The following SNTB2 variants were observed in gnomAD, a reference collection of about 807,000 sequenced individuals.
SNTB2 encodes the protein beta-2-syntrophin.
SNTB2 carries 34 observed loss-of-function variants against 46.2 expected under a neutral mutation model. The ratio of observed to expected loss-of-function variants is 0.74; its 90% confidence interval spans 0.56 to 0.98. SNTB2 has a LOEUF of 0.98. SNTB2 is among the 50% of genes least tolerant of loss of function. The probability of loss-of-function intolerance (pLI) is 0.00; values close to 1 mark genes in which losing one functional copy is unlikely to be tolerated. For synonymous variants in SNTB2, 290 were observed against 312.6 expected, an observed-to-expected ratio of 0.93 and a Z score of 0.76; for missense variants, 603 against 731.4, an observed-to-expected ratio of 0.82 and a Z score of 2.02.
chr16:69,296,728 A>C (rs1031202461), intron 5 of SNTB2, among the ~76,000 whole-genome samples: 1 of 151,460 alleles, frequency 6.6e-6, no homozygotes, highest in African/African-American at 2.4e-5. Flanking sequence ...TCAAAAAAAA[A>C]AAAAAGAAAA....
rs577540363 is a variant in SNTB2, at chr16:69,260,393, A to G, written c.1005+133A>G. ...CTAGCTTGCAGATCTTTTGTTTTTC[A>G]GTGTTTTGTTTCACCTCCCTTTTTC... On this transcript the variant is annotated intron_variant, in intron 3 of 6. Coordinates refer to ENST00000336278, the MANE Select transcript of SNTB2 (RefSeq NM_006750.4). 262 of 828,174 alleles carry G rather than the reference A, an allele frequency of 3.2e-4. 3 individuals are homozygous for G. In the South Asian group the frequency reaches 4.3e-3, roughly 14 times the overall value. The allele number at this position is 828,174 out of a possible 1,614,324, so 51.3% of individuals were successfully genotyped here. A position where few individuals can be genotyped will look rare whatever the true frequency, so the allele number is the denominator to read the frequency against.
At chr16:69,265,204 G>A (rs988313642) in intron 3 of SNTB2, among the ~76,000 whole-genome samples, 6 of 152,114 alleles carry the variant, frequency 3.9e-5, no homozygotes, top group South Asian at 2.1e-4. Flanking sequence ...AGCCGAGATC[G>A]CGCCACTGCA....
At chr16:69,194,765 G>A (rs1964087300) in intron 1 of SNTB2, among the ~76,000 whole-genome samples, 1 of 152,162 alleles carries the variant, frequency 6.6e-6, no homozygotes, top group South Asian at 2.1e-4. Context: ...GAACCACATG[G>A]ACTGAAAGTG....
chr16:69,264,255 C>T (rs760185055), intron 3 of SNTB2, among the ~76,000 whole-genome samples: 1 of 152,146 alleles, frequency 6.6e-6, no homozygotes, highest in African/African-American at 2.4e-5. Context: ...CCAGCTAAGC[C>T]GAGGGCTCTC....
intron 5 of SNTB2, among the ~76,000 whole-genome samples, chr16:69,290,028 T>G (rs1965145626): frequency 6.6e-6 from 1 of 152,234 alleles, no homozygotes; most frequent in Non-Finnish European, 1.5e-5. Context: ...TTGGTTATAG[T>G]TTACCCATCT....
chr16:69,206,754 AT>A (rs1269639112), intron 1 of SNTB2, among the ~76,000 whole-genome samples: 8 of 151,034 alleles, frequency 5.3e-5, no homozygotes, highest in African/African-American at 1.9e-4. Context: ...AATTGGCTGC[AT>A]TTTTATTTTT....
intron 1 of SNTB2, among the ~76,000 whole-genome samples, chr16:69,213,291 G>C (rs1360572128): frequency 5.3e-5 from 8 of 152,016 alleles, no homozygotes; most frequent in Non-Finnish European, 1.0e-4. Context: ...TGTGTCCTCT[G>C]TTATATATTG....
intron 4 of SNTB2, among the ~76,000 whole-genome samples, chr16:69,278,577 TC>T (rs1460214116): frequency 2.0e-5 from 3 of 151,242 alleles, no homozygotes; most frequent in African/African-American, 7.3e-5. Flanking sequence ...TGCCTCAGCC[TC>T]CCGAGTAGCT....
intron 4 of SNTB2, among the ~76,000 whole-genome samples, chr16:69,279,310 G>GT (rs996775630): frequency 6.6e-6 from 1 of 152,024 alleles, no homozygotes; most frequent in African/African-American, 2.4e-5. Flanking sequence ...GATTATGACA[G>GT]TATTTCCTTT....
intron 1 of SNTB2, among the ~76,000 whole-genome samples, chr16:69,214,539 A>G (rs1010085554): frequency 1.4e-4 from 21 of 149,836 alleles, no homozygotes; most frequent in African/African-American, 5.2e-4. Context: ...GTGTGTATGT[A>G]TGTTTGAGGC....
intron 1 of SNTB2, among the ~76,000 whole-genome samples, chr16:69,205,259 C>G (rs1964203415): frequency 6.6e-6 from 1 of 151,458 alleles, no homozygotes. Context: ...AAGCAATTCT[C>G]CTGCCTCAGC....
chr16:69,292,366 ATATATATATATATTATATATATATTATAT>A lies in SNTB2; in HGVS notation c.1346-7223_1346-7195del, dbSNP rs1363439491. 8.2e-4 allele frequency among the ~76,000 whole-genome samples: 24 copies of A among 29,230 alleles called. 3 individuals carry two copies. The highest frequency in any genetic ancestry group is 1.3e-3 in the African/African-American group (9 of 6,938). 19.2% of individuals were successfully genotyped at this position (29,230 alleles called of 152,430 possible). ...TTCACCTTATTTTTTATATATATAT[ATATATATATATATTATATATATATTATAT>A]ATATATATATATTATATATATATTA... On this transcript the variant is annotated intron_variant, in intron 5 of 6. Transcript: ENST00000336278.
rs532676868 is a variant in SNTB2, at chr16:69,308,255, C to G, written c.*7331C>G. 1 of 152,750 alleles carries G rather than the reference C, an allele frequency of 6.5e-6. No individual in the cohort carries two copies. Among genetic ancestry groups the G allele is most frequent in the South Asian group, 2.1e-4 (1 of 4,826 alleles). The allele number at this position is 152,750 out of a possible 1,614,324, so 9.5% of individuals were successfully genotyped here. A position where few individuals can be genotyped will look rare whatever the true frequency, so the allele number is the denominator to read the frequency against. On this transcript the variant is annotated 3_prime_UTR_variant, in exon 7 of 7. Coordinates refer to ENST00000336278, the MANE Select transcript of SNTB2 (RefSeq NM_006750.4). Reference sequence around the variant, plus strand: ...TAGGTTGGAAGAAATGTCTTTCCTTCTATCTGGGTCCTGTTAAAGCGGGTG... The same window carrying G: ...TAGGTTGGAAGAAATGTCTTTCCTTGTATCTGGGTCCTGTTAAAGCGGGTG...
chr16:69,248,042 G>A (rs1051682320), intron 2 of SNTB2, among the ~76,000 whole-genome samples: 40 of 152,296 alleles, frequency 2.6e-4, no homozygotes, highest in African/African-American at 9.1e-4. Context: ...AGGATCACTT[G>A]AACCCAAGAG....
chr16:69,199,964 G>A (rs182967907), intron 1 of SNTB2, among the ~76,000 whole-genome samples: 1 of 152,076 alleles, frequency 6.6e-6, no homozygotes, highest in Admixed American at 6.5e-5. Context: ...GCCCAGGCTG[G>A]AGTGCAGTGG....
chr16:69,295,109 C>G (rs925104187), intron 5 of SNTB2, among the ~76,000 whole-genome samples: 3 of 152,038 alleles, frequency 2.0e-5, no homozygotes, highest in African/African-American at 7.2e-5. Context: ...GTGTGAGCCA[C>G]TGCGCCCAGC....
chr16:69,208,448 CTT>C (rs1289520127), intron 1 of SNTB2, among the ~76,000 whole-genome samples: 1 of 151,682 alleles, frequency 6.6e-6, no homozygotes, highest in Non-Finnish European at 1.5e-5. Flanking sequence ...AGTATGTACT[CTT>C]TTGTGTTTGG....
In SNTB2 at chr16:69,304,863, C is replaced by G. The variant is rs1029599445; in HGVS notation, c.*3939C>G. On this transcript the variant is annotated 3_prime_UTR_variant, in exon 7 of 7. Coordinates refer to ENST00000336278, the MANE Select transcript of SNTB2 (RefSeq NM_006750.4). ...GGATTTTTTTTTCTTTTTTTTTTTTCGCCATGTTGCCCAGGCTGGTCTTGA... is the reference window on the plus strand; with the variant it reads ...GGATTTTTTTTTCTTTTTTTTTTTTGGCCATGTTGCCCAGGCTGGTCTTGA... 1.6e-5 allele frequency: 2 copies of G among 124,422 alleles called. No homozygotes were observed. The highest frequency in any genetic ancestry group is 8.5e-5 in the Admixed American group (1 of 11,822). The allele number at this position is 124,422 out of a possible 1,614,324, so 7.7% of individuals were successfully genotyped here.
At chr16:69,241,301 C>T (rs1265641252) in intron 1 of SNTB2, among the ~76,000 whole-genome samples, 1 of 148,216 alleles carries the variant, frequency 6.7e-6, no homozygotes, top group Non-Finnish European at 1.5e-5. Flanking sequence ...CTCAGCCTCC[C>T]CAGTAGCTGG....
Sources: gnomAD v4.1 joint callset for allele counts (sites outside exome capture counted in the v4.1 genomes callset) on GRCh38, gnomAD v4.1.1 for gene constraint, MANE v1.5 for transcripts, NCBI Gene and HGNC (gene_info 2026-07-23, HGNC 2026-07-21) for gene names.